SPATA17: variants seen among roughly 807,000 people sequenced by gnomAD.
SPATA17 encodes the protein spermatogenesis-associated protein 17.
Under a neutral mutation model 62.2 loss-of-function variants are expected in SPATA17, and 53 were observed. The observed-to-expected ratio is 0.85, with a 90% CI of 0.68 to 1.07. The LOEUF is 1.07. Ranked by LOEUF, SPATA17 falls within the 50% of genes least tolerant of loss-of-function variation. The pLI is 0.00. For synonymous variants in SPATA17, 146 were observed against 146.8 expected, an observed-to-expected ratio of 0.99 and a Z score of 0.04; for missense variants, 466 against 425.5, an observed-to-expected ratio of 1.10 and a Z score of -0.84.
At chr1:217,704,884 T>C (rs1300453664) in intron 5 of SPATA17, among the ~76,000 whole-genome samples, 4 of 152,228 alleles carry the variant, frequency 2.6e-5, no homozygotes, top group Non-Finnish European at 4.4e-5. Context: ...CATGTCTTTA[T>C]GGCAGAATGG....
chr1:217,727,286 T>TAAC lies in SPATA17; in HGVS notation c.396-14683_396-14681dup, dbSNP rs1553369910. Among the ~76,000 whole-genome samples, 195 of 143,222 alleles carry TAAC rather than the reference T, an allele frequency of 1.4e-3. 2 individuals are homozygous for TAAC. In the South Asian group the frequency reaches 0.029, roughly 21 times the overall value. The allele number at this position is 143,222 out of a possible 152,430, so 94.0% of individuals were successfully genotyped here. On this transcript the variant is annotated intron_variant, in intron 5 of 10. Transcript: ENST00000366933. Reference sequence around the variant, plus strand: ...ATAATAATAATAATAATAATAATAATAACAACAAAAAACTGTTATTCTTAT... The same window carrying TAAC: ...ATAATAATAATAATAATAATAATAATAACAACAACAAAAAACTGTTATTCTTAT...
chr1:217,786,793 T>C (rs1382653591), intron 8 of SPATA17, among the ~76,000 whole-genome samples: 2 of 151,248 alleles, frequency 1.3e-5, no homozygotes, highest in Middle Eastern at 6.8e-3. Context: ...CTTCTTCTTC[T>C]TCTTCTTCTT....
At chr1:217,646,099 T>C (rs1355305469) in intron 1 of SPATA17, among the ~76,000 whole-genome samples, 1 of 152,152 alleles carries the variant, frequency 6.6e-6, no homozygotes, top group African/African-American at 2.4e-5. Context: ...CTTAATATTA[T>C]GCATAAAACT....
chr1:217,815,560 G>A (rs1323823775), intron 9 of SPATA17, among the ~76,000 whole-genome samples: 1 of 152,158 alleles, frequency 6.6e-6, no homozygotes, highest in Non-Finnish European at 1.5e-5. Context: ...TGTTATGTCA[G>A]TTTGACTAGG....
At chr1:217,677,398 T>G (rs1490330449) in intron 4 of SPATA17, among the ~76,000 whole-genome samples, 2 of 152,094 alleles carry the variant, frequency 1.3e-5, no homozygotes, top group African/African-American at 4.8e-5. Context: ...CATACTATTT[T>G]CATATTTATA....
At chr1:217,646,257 T>C (rs922989650) in intron 1 of SPATA17, among the ~76,000 whole-genome samples, 10 of 152,170 alleles carry the variant, frequency 6.6e-5, no homozygotes, top group Admixed American at 2.6e-4. Context: ...CCCTAAAGTT[T>C]TGTGAGGTTT....
Position 217,867,135 on chromosome 1 carries a change from A to C in SPATA17, c.*116A>C, listed in dbSNP as rs1352261140. Reference sequence around the variant, plus strand: ...ACTTGCTATGATTCAATAAACTATAAAATTTTGTAGCTCTAGTCATGAATT... The same window carrying C: ...ACTTGCTATGATTCAATAAACTATACAATTTTGTAGCTCTAGTCATGAATT... On this transcript the variant is annotated 3_prime_UTR_variant, in exon 11 of 11. Coordinates refer to ENST00000366933, the MANE Select transcript of SPATA17 (RefSeq NM_138796.4). 6.6e-6 allele frequency: 1 copy of C among 152,144 alleles called. No individual in the cohort carries two copies. The highest frequency in any genetic ancestry group is 2.4e-5 in the African/African-American group (1 of 41,436). 9.4% of individuals were successfully genotyped at this position (152,144 alleles called of 1,614,324 possible). A position where few individuals can be genotyped will look rare whatever the true frequency, so the allele number is the denominator to read the frequency against.
At chr1:217,705,061 A>G (rs960818575) in intron 5 of SPATA17, among the ~76,000 whole-genome samples, 5 of 152,148 alleles carry the variant, frequency 3.3e-5, no homozygotes, top group African/African-American at 1.2e-4. Flanking sequence ...CCTTGCCAAC[A>G]TCTGTTATTT....
At chr1:217,651,246 C>A in intron 3 of SPATA17, 68 bp downstream of exon 3, 2 of 1,257,578 alleles carry the variant, frequency 1.6e-6, no homozygotes, top group South Asian at 1.5e-5. Context: ...TCACTTTAGT[C>A]ATATTTCCAT....
intron 9 of SPATA17, among the ~76,000 whole-genome samples, chr1:217,851,594 T>C (rs1675666964): frequency 6.6e-6 from 1 of 152,148 alleles, no homozygotes; most frequent in South Asian, 2.1e-4. Flanking sequence ...AAACTGCAAT[T>C]AATATGTTTT....
At chr1:217,848,632 T>C (rs544607740) in intron 9 of SPATA17, among the ~76,000 whole-genome samples, 2 of 152,282 alleles carry the variant, frequency 1.3e-5, no homozygotes, top group African/African-American at 4.8e-5. Flanking sequence ...TGTCTGAAAA[T>C]TTCATCCTAC....
intron 4 of SPATA17, among the ~76,000 whole-genome samples, chr1:217,677,121 A>G (rs555881999): frequency 6.6e-6 from 1 of 152,276 alleles, no homozygotes; most frequent in Admixed American, 6.5e-5. Context: ...GAGAAACAGT[A>G]GAACAGAGGT....
chr1:217,725,816 G>A lies in SPATA17; in HGVS notation c.396-16159G>A, dbSNP rs61404552. ...TAAACTTATAGTGTAGGAAAAAGTT[G>A]TATTTTCATAATTTTAATCTTCTTG... On this transcript the variant is annotated intron_variant, in intron 5 of 10. Transcript: ENST00000366933. Among the ~76,000 whole-genome samples the A allele has an allele frequency of 8.5e-3, 1,299 of 152,090 alleles. 21 individuals are homozygous for A. The highest frequency in any genetic ancestry group is 0.029 in the African/African-American group (1,218 of 41,474).
chr1:217,639,242 T>C (rs1207013525), intron 1 of SPATA17, among the ~76,000 whole-genome samples: 1 of 152,084 alleles, frequency 6.6e-6, no homozygotes, highest in Non-Finnish European at 1.5e-5. Context: ...GCCAAGGAAA[T>C]GAATGCCCTT....
chr1:217,802,794 C>T (rs1307370167), intron 9 of SPATA17, among the ~76,000 whole-genome samples: 1 of 152,124 alleles, frequency 6.6e-6, no homozygotes, highest in Non-Finnish European at 1.5e-5. Flanking sequence ...AACTCATGCA[C>T]TCTTGAATGC....
chr1:217,683,892 T>C (rs1015322234), intron 5 of SPATA17, among the ~76,000 whole-genome samples: 2 of 152,130 alleles, frequency 1.3e-5, no homozygotes, highest in African/African-American at 4.8e-5. Context: ...ATCTTGTATA[T>C]TTATTTATGT....
At chr1:217,758,779 A>G (rs1673106583) in intron 6 of SPATA17, among the ~76,000 whole-genome samples, 1 of 152,202 alleles carries the variant, frequency 6.6e-6, no homozygotes, top group Non-Finnish European at 1.5e-5. Flanking sequence ...AATTGACTTG[A>G]GATCTCCAGG....
At chr1:217,661,934 T>C (rs1454737908) in intron 3 of SPATA17, among the ~76,000 whole-genome samples, 1 of 152,170 alleles carries the variant, frequency 6.6e-6, no homozygotes, top group Non-Finnish European at 1.5e-5. Context: ...TCTAGTTAGC[T>C]TTTCCTTACC....
chr1:217,687,180 AT>A (rs1471434093), intron 5 of SPATA17, among the ~76,000 whole-genome samples: 24 of 152,144 alleles, frequency 1.6e-4, no homozygotes, highest in African/African-American at 5.8e-4. Flanking sequence ...TAATTAAAAC[AT>A]TTAGTCTACG....
Sources: gnomAD v4.1 joint callset for allele counts (sites outside exome capture counted in the v4.1 genomes callset) on GRCh38, gnomAD v4.1.1 for gene constraint, MANE v1.5 for transcripts, NCBI Gene and HGNC (gene_info 2026-07-23, HGNC 2026-07-21) for gene names.